ZC3H11A: variants seen among roughly 807,000 people sequenced by gnomAD.
The protein encoded by ZC3H11A is zinc finger CCCH-type containing 11A, also known as zinc finger CCCH domain-containing protein 11A.
ZC3H11A carries 22 observed loss-of-function variants against 90.8 expected under a neutral mutation model. The observed-to-expected ratio is 0.24, with a 90% confidence interval of 0.17 to 0.35. The LOEUF is 0.35. Among genes scored for constraint, ZC3H11A ranks in the 10% least tolerant of loss-of-function variants. The pLI, the probability that ZC3H11A is intolerant of heterozygous loss-of-function variation, is 1.00. For synonymous variants in ZC3H11A, 294 were observed against 339.8 expected (o/e 0.87, Z 1.48); for missense variants, 701 against 964.9 (o/e 0.73, Z 3.62).
chr1:203,812,321 T>C (rs986510378), intron 2 of ZC3H11A, among the ~76,000 whole-genome samples: 7 of 152,172 alleles, frequency 4.6e-5, no homozygotes, highest in African/African-American at 1.4e-4. Context: ...TTCCCCTCTA[T>C]GTGTCCAAGT....
intron 12 of ZC3H11A, among the ~76,000 whole-genome samples, chr1:203,842,707 A>T (rs989784812): frequency 6.0e-5 from 9 of 151,088 alleles, no homozygotes; most frequent in Non-Finnish European, 1.0e-4. Context: ...AGATTATTCT[A>T]ATTTTGTAAA....
intron 12 of ZC3H11A, among the ~76,000 whole-genome samples, chr1:203,841,565 A>T (rs543029763): frequency 5.6e-4 from 85 of 151,576 alleles, no homozygotes; most frequent in African/African-American, 1.9e-3. Context: ...TTCTACACAG[A>T]CACAGTAACA....
Position 203,837,290 on chromosome 1 carries a change from C to CAAA in ZC3H11A, c.875-664_875-662dup, listed in dbSNP as rs11372939. Among the ~76,000 whole-genome samples, 246 of 141,468 alleles carry CAAA rather than the reference C, an allele frequency of 1.7e-3. 2 individuals are homozygous for CAAA. The highest frequency in any genetic ancestry group is 5.5e-3 in the African/African-American group (211 of 38,370). The allele number at this position is 141,468 out of a possible 152,430, so 92.8% of individuals were successfully genotyped here. A position where few individuals can be genotyped will look rare whatever the true frequency, so the allele number is the denominator to read the frequency against. ...TGGGTGACAGAGTGAGATCCTGTCT[C>CAAA]AAAAAAAAAAAAAAGGGTTCTTTTG... On this transcript the variant is annotated intron_variant, in intron 10 of 17. Transcript: ENST00000367210.
At chr1:203,800,484 TG>T in intron 1 of ZC3H11A, 1 of 1,462,348 alleles carries the variant, frequency 6.8e-7, no homozygotes, top group Non-Finnish European at 9.0e-7. Flanking sequence ...CCATTTAAAA[TG>T]GGCAACTTTT....
In ZC3H11A at chr1:203,823,287, G is replaced by GT. The variant is rs1212940136; in HGVS notation, c.174+4605dup. Among the ~76,000 whole-genome samples the GT allele has an allele frequency of 2.6e-5, 4 of 152,012 alleles. No individual in the cohort carries two copies. In the East Asian group the frequency reaches 7.7e-4, roughly 29 times the overall value. On this transcript the variant is annotated intron_variant, in intron 4 of 17. Coordinates refer to ENST00000367210, the MANE Select transcript of ZC3H11A (RefSeq NM_001376342.1). ...GGAATCTGGAAGAATCCGTGTGCCT[G>GT]TTTTTTTATGCCCACTCCCTTTAGG...
chr1:203,810,515 G>A (rs979162383), intron 2 of ZC3H11A, among the ~76,000 whole-genome samples: 27 of 151,546 alleles, frequency 1.8e-4, no homozygotes, highest in African/African-American at 6.3e-4. Flanking sequence ...CACCTCTGGG[G>A]TTCACACCAT....
chr1:203,839,381 C>G (rs1207974790), intron 11 of ZC3H11A, among the ~76,000 whole-genome samples: 1 of 152,122 alleles, frequency 6.6e-6, no homozygotes, highest in Non-Finnish European at 1.5e-5. Context: ...GAGCAAAAAG[C>G]CAAGGTTAGA....
At chr1:203,803,372 G>A (rs1671115612) in intron 2 of ZC3H11A, among the ~76,000 whole-genome samples, 1 of 151,786 alleles carries the variant, frequency 6.6e-6, no homozygotes, top group South Asian at 2.1e-4. Context: ...TGTATTATTA[G>A]TGGAGATGAA....
chr1:203,823,828 A>C (rs1679584109), intron 4 of ZC3H11A, among the ~76,000 whole-genome samples: 1 of 152,236 alleles, frequency 6.6e-6, no homozygotes, highest in Non-Finnish European at 1.5e-5. Context: ...TCCTTCATTT[A>C]AAATAAGGTT....
At chr1:203,798,564 C>A in intron 1 of ZC3H11A, 1 of 1,536,108 alleles carries the variant, frequency 6.5e-7, no homozygotes, top group Non-Finnish European at 8.7e-7. Flanking sequence ...TGATACCTTG[C>A]ATGGAGAAAA....
intron 1 of ZC3H11A, chr1:203,798,402 C>T (rs1220679722): frequency 3.3e-6 from 5 of 1,533,602 alleles, no homozygotes; most frequent in East Asian, 2.4e-5. Flanking sequence ...AAGTGTGAGC[C>T]GGGGTAGGCC....
intron 1 of ZC3H11A, chr1:203,798,019 A>G: frequency 6.5e-7 from 1 of 1,533,248 alleles, no homozygotes; most frequent in Non-Finnish European, 8.7e-7. Context: ...CCAGGTAGCC[A>G]TCTTGGTACA....
In ZC3H11A at chr1:203,798,071, T is replaced by C. The variant is rs948916345; in HGVS notation, c.-1588+2277T>C. 6.5e-6 allele frequency: 10 copies of C among 1,536,138 alleles called. No individual in the cohort carries two copies. The Middle Eastern group carries it at 5.0e-4, about 77-fold the overall frequency. On this transcript the variant is annotated intron_variant, in intron 1 of 17. Transcript: ENST00000367210. ...ATCTGCAAGCAAGGCATTCACCTCA[T>C]TGGACCAGGGCCAACAAGTTTGGAG... is the stretch of plus-strand genomic sequence containing the variant.
Position 203,802,861 on chromosome 1 carries a change from A to T in ZC3H11A, c.-301A>T, listed in dbSNP as rs1012492541. On this transcript the variant is annotated 5_prime_UTR_variant, in exon 2 of 18. Transcript: ENST00000367210. ...TTTTAAAAACACATGCTGTGTTTGAATTGTGGCTGAGAGGTTTTCTTGGCA... is the reference window on the plus strand; with the variant it reads ...TTTTAAAAACACATGCTGTGTTTGATTTGTGGCTGAGAGGTTTTCTTGGCA... 6.6e-6 allele frequency: 1 copy of T among 152,474 alleles called. No individual in the cohort carries two copies. Among genetic ancestry groups the T allele is most frequent in the Non-Finnish European group, 1.5e-5 (1 of 68,014 alleles). 9.4% of individuals were successfully genotyped at this position (152,474 alleles called of 1,614,324 possible).
chr1:203,802,451 A>G lies in ZC3H11A; in HGVS notation c.-711A>G, dbSNP rs565889473. 5 of 152,616 alleles carry G rather than the reference A, an allele frequency of 3.3e-5. No homozygotes were observed. Among genetic ancestry groups the G allele is most frequent in the Admixed American group, 3.3e-4 (5 of 15,282 alleles). 9.5% of individuals were successfully genotyped at this position (152,616 alleles called of 1,614,324 possible). A position where few individuals can be genotyped will look rare whatever the true frequency, so the allele number is the denominator to read the frequency against. On this transcript the variant is annotated 5_prime_UTR_variant, in exon 2 of 18. Coordinates refer to ENST00000367210, the MANE Select transcript of ZC3H11A (RefSeq NM_001376342.1). ...GTGTATATGTGTGTGTGTATAAGCC[A>G]GTTAGTATATATCTGTATGTATATT...
At chr1:203,818,324 T>C (rs1265619741) in intron 3 of ZC3H11A, among the ~76,000 whole-genome samples, 1 of 150,890 alleles carries the variant, frequency 6.6e-6, no homozygotes, top group South Asian at 2.1e-4. Context: ...CTTGTCTTTT[T>C]CAACTCTTTT....
At chr1:203,818,486 T>C (rs1677128203) in intron 3 of ZC3H11A, 84 bp from the exon 4 acceptor site, 1 of 1,581,586 alleles carries the variant, frequency 6.3e-7, no homozygotes, top group Admixed American at 1.7e-5. Flanking sequence ...TGTGCTTGTC[T>C]AAATTCCAGG....
intron 1 of ZC3H11A, chr1:203,796,542 G>T (rs1353832569): frequency 2.5e-6 from 1 of 398,694 alleles, no homozygotes; most frequent in Non-Finnish European, 4.4e-6. Context: ...CATCTTCCAG[G>T]CCTTGGTTCT....
intron 2 of ZC3H11A, among the ~76,000 whole-genome samples, chr1:203,812,494 T>A (rs1674822645): frequency 6.6e-6 from 1 of 152,174 alleles, no homozygotes; most frequent in Admixed American, 6.5e-5. Flanking sequence ...CCATGTTTTG[T>A]GTTTTTTTCA....
Sources: allele counts gnomAD v4.1 joint callset (sites outside exome capture counted in the v4.1 genomes callset), GRCh38; gene constraint gnomAD v4.1.1; transcripts MANE v1.5; gene names NCBI Gene and HGNC (gene_info 2026-07-23, HGNC 2026-07-21).